The following TRIO variants were observed in gnomAD, a reference collection of about 807,000 sequenced individuals.
TRIO encodes trio Rho guanine nucleotide exchange factor, also known as triple functional domain protein.
A neutral mutation model predicts 351.9 loss-of-function variants in TRIO; 58 were observed. The observed-to-expected ratio is 0.16, with a 90% confidence interval of 0.13 to 0.21. TRIO has a LOEUF of 0.21. Ranked by LOEUF, TRIO falls within the 10% of genes least tolerant of loss-of-function variation. The pLI, the probability that TRIO is intolerant of heterozygous loss-of-function variation, is 1.00. For synonymous variants in TRIO, 1,758 were observed against 1,595.7 expected, an observed-to-expected ratio of 1.10 and a Z score of -2.42; for missense variants, 3,201 against 4,027.8, an observed-to-expected ratio of 0.79 and a Z score of 5.56.
intron 46 of TRIO, among the ~76,000 whole-genome samples, chr5:14,484,626 A>G (rs1755779293): frequency 6.6e-6 from 1 of 152,220 alleles, no homozygotes; most frequent in African/African-American, 2.4e-5. Flanking sequence ...TACACATAAC[A>G]TAAATGTTCC....
chr5:14,234,450 C>G (rs1169864113), intron 1 of TRIO, among the ~76,000 whole-genome samples: 2 of 152,142 alleles, frequency 1.3e-5, no homozygotes, highest in Non-Finnish European at 2.9e-5. Flanking sequence ...TAATGCTAGT[C>G]AGAAGTCTGA....
intron 3 of TRIO, among the ~76,000 whole-genome samples, chr5:14,280,776 G>C (rs1332772995): frequency 1.3e-5 from 2 of 152,166 alleles, no homozygotes; most frequent in Non-Finnish European, 2.9e-5. Flanking sequence ...ATTGGGTGCT[G>C]CTTTTGACAA....
chr5:14,477,093 G>T, intron 41 of TRIO, 130 bp downstream of exon 41: 1 of 752,172 alleles, frequency 1.3e-6, no homozygotes, highest in Non-Finnish European at 2.1e-6. Flanking sequence ...CAAACTGCAT[G>T]GTGTTAATGA....
intron 1 of TRIO, among the ~76,000 whole-genome samples, chr5:14,204,224 A>C (rs1415973086): frequency 6.6e-6 from 1 of 152,120 alleles, no homozygotes; most frequent in Non-Finnish European, 1.5e-5. Context: ...CTCACAATAA[A>C]ATACTGATTT....
intron 9 of TRIO, among the ~76,000 whole-genome samples, chr5:14,323,751 A>G (rs575072093): frequency 6.6e-6 from 1 of 152,254 alleles, no homozygotes; most frequent in East Asian, 1.9e-4. Flanking sequence ...CCAGAGCACT[A>G]GGAAAGAAAG....
intron 21 of TRIO, among the ~76,000 whole-genome samples, chr5:14,382,195 A>G (rs550104751): frequency 3.9e-5 from 6 of 152,384 alleles, no homozygotes; most frequent in South Asian, 2.1e-4. Context: ...AAGTGTTTCT[A>G]TAAAGTAGCA....
rs752091643 is a variant in TRIO at position 14,359,425 on chromosome 5, A to G, written c.2285A>G (p.Gln762Arg). The part of the protein sequence containing the change: ...SSINHIETVL[Q>R]QLDEAQSQME... ...ATCAACCACATTGAGACGGTGCTGC[A>G]GCAGCTGGACGAGGCGCAGTCGCAG... Residue 762 changes from glutamine (Q) to arginine (R), a missense_variant, in exon 13 of 57, where the codon CAG becomes CGG. Physicochemically the swap from Gln to Arg is conservative, Grantham distance 43. Around this residue, in one of 19 missense-constraint regions of TRIO, gnomAD observed 363 missense variants for 553.5 expected, o/e 0.66. Coordinates refer to ENST00000344204, the MANE Select transcript of TRIO (RefSeq NM_007118.4). 2.5e-6 allele frequency: 4 copies of G among 1,614,280 alleles called. 1 individual carries two copies. The South Asian group carries it at 3.3e-5, about 13-fold the overall frequency.
At chr5:14,393,056 GAA>G (rs550792228) in intron 27 of TRIO, among the ~76,000 whole-genome samples, 8 of 96,958 alleles carry the variant, frequency 8.3e-5, no homozygotes, top group African/African-American at 1.5e-4. Context: ...CAAAAAGAAA[GAA>G]AAAAAAAAAA....
chr5:14,500,155 A>G (rs1757178623), intron 53 of TRIO, among the ~76,000 whole-genome samples: 2 of 152,196 alleles, frequency 1.3e-5, no homozygotes, highest in Non-Finnish European at 2.9e-5. Flanking sequence ...GCACCCCTAA[A>G]GGTCTTCAGA....
At chr5:14,507,375 A>C (rs2126720666) in intron 56 of TRIO, 115 bp downstream of exon 56, 2 of 1,454,546 alleles carry the variant, frequency 1.4e-6, no homozygotes, top group Non-Finnish European at 9.2e-7. Flanking sequence ...AGGGACAAAA[A>C]GGGTGGGTGG....
chr5:14,201,973 T>C (rs1224972803), intron 1 of TRIO, among the ~76,000 whole-genome samples: 2 of 45,118 alleles, frequency 4.4e-5, no homozygotes, highest in Non-Finnish European at 7.8e-5. Context: ...TGTTGTGGGG[T>C]GGGGGGAGGG....
intron 34 of TRIO, among the ~76,000 whole-genome samples, chr5:14,448,720 G>T (rs1752623437): frequency 1.3e-5 from 2 of 152,162 alleles, no homozygotes; most frequent in Admixed American, 1.3e-4. Context: ...GGCAGGATGT[G>T]TGTGTGTCTT....
At chr5:14,256,396 C>G (rs1299308242) in intron 1 of TRIO, among the ~76,000 whole-genome samples, 1 of 152,152 alleles carries the variant, frequency 6.6e-6, no homozygotes, top group Non-Finnish European at 1.5e-5. Context: ...AACAAAACAT[C>G]CAAACTATAT....
chr5:14,178,911 A>G (rs1458408966), intron 1 of TRIO, among the ~76,000 whole-genome samples: 1 of 152,168 alleles, frequency 6.6e-6, no homozygotes, highest in African/African-American at 2.4e-5. Flanking sequence ...GAGTGGCTGA[A>G]TCGCTCATTT....
At chr5:14,472,137 G>A (rs143897698) in intron 38 of TRIO, among the ~76,000 whole-genome samples, 15 of 152,286 alleles carry the variant, frequency 9.8e-5, no homozygotes, top group South Asian at 2.1e-4. Flanking sequence ...GGCCTTAAAC[G>A]GTTACTGAAT....
chr5:14,159,334 AAAGAG>A (rs1373563022), intron 1 of TRIO, among the ~76,000 whole-genome samples: 7 of 151,862 alleles, frequency 4.6e-5, no homozygotes, highest in African/African-American at 9.7e-5. Context: ...AAAAAAAAAA[AAAGAG>A]AGAGAGACTT....
chr5:14,425,220 A>G (rs1184511328), intron 34 of TRIO, among the ~76,000 whole-genome samples: 3 of 151,426 alleles, frequency 2.0e-5, no homozygotes, highest in Non-Finnish European at 4.4e-5. Flanking sequence ...ATGGAACAAA[A>G]CCCTCCGCTC....
intron 1 of TRIO, among the ~76,000 whole-genome samples, chr5:14,203,052 T>C (rs1791232357): frequency 6.6e-6 from 1 of 152,182 alleles, no homozygotes; most frequent in African/African-American, 2.4e-5. Context: ...GTGGTTCGTT[T>C]TGTAGTAATT....
Position 14,364,720 on chromosome 5 carries a change from T to A in TRIO, c.2658T>A (p.His886Gln). Reference sequence around the variant, plus strand: ...TCCAGGACCTGCTGGAGTTTCTTCATGAAAAACAGCAGGAATTGGATTTAG... The same window carrying A: ...TCCAGGACCTGCTGGAGTTTCTTCAAGAAAAACAGCAGGAATTGGATTTAG... ...TRVQDLLEFL[H>Q]EKQQELDLAA... is the part of the protein sequence containing the mutation. Residue 886 changes from histidine (H) to glutamine (Q), a missense_variant, in exon 15 of 57, where the codon CAT becomes CAA. By Grantham distance (24) the His-to-Gln change is conservative (BLOSUM62 0). Transcript: ENST00000344204. 1 of 1,613,454 alleles carries A rather than the reference T, an allele frequency of 6.2e-7. No individual in the cohort carries two copies.
Sources: allele counts gnomAD v4.1 joint callset (sites outside exome capture counted in the v4.1 genomes callset), GRCh38; gene constraint gnomAD v4.1.1; regional missense constraint gnomAD v4.1.1; transcripts MANE v1.5; gene names NCBI Gene and HGNC (gene_info 2026-07-23, HGNC 2026-07-21).